ANKRD30A: variants seen among roughly 807,000 people sequenced by gnomAD.
The protein encoded by ANKRD30A is ankyrin repeat domain-containing protein 30A.
ANKRD30A carries 170 observed loss-of-function variants against 166.3 expected under a neutral mutation model. The observed-to-expected ratio is 1.02, with a 90% CI of 0.90 to 1.16. The LOEUF (loss-of-function observed/expected upper bound fraction) is 1.16. Among genes scored for constraint, ANKRD30A ranks in the 50% most tolerant of loss-of-function variants. The pLI is 0.00. For synonymous variants in ANKRD30A, 564 were observed against 508.9 expected, an observed-to-expected ratio of 1.11 and a Z score of -1.46; for missense variants, 1,630 against 1,518.0, an observed-to-expected ratio of 1.07 and a Z score of -1.23.
At chr10:37,129,802 G>A in intron 1 of ANKRD30A, 91 bp from the exon 2 acceptor site, 2 of 614,006 alleles carry the variant, frequency 3.3e-6, no homozygotes, top group Non-Finnish European at 4.9e-6. Context: ...CAGAGAAAGA[G>A]CGTGGTATTT....
At chr10:37,159,082 C>A (rs538266091) in intron 15 of ANKRD30A, among the ~76,000 whole-genome samples, 5 of 152,230 alleles carry the variant, frequency 3.3e-5, no homozygotes, top group South Asian at 4.1e-4. Flanking sequence ...TACTTGATGA[C>A]TCTTTGCTAG....
intron 31 of ANKRD30A, 33 bp downstream of exon 31, chr10:37,201,358 G>T: frequency 1.4e-6 from 2 of 1,467,982 alleles, no homozygotes; most frequent in South Asian, 1.2e-5. Context: ...AAGGTCATTT[G>T]ACCAAGTATT....
the ANKRD30A span, among the ~76,000 whole-genome samples, chr10:37,264,879 C>T: frequency 1.3e-5 from 2 of 152,190 alleles, no homozygotes; most frequent in Non-Finnish European, 2.9e-5. Flanking sequence ...CCTAAATCCC[C>T]TTACTTACCT....
the ANKRD30A span, among the ~76,000 whole-genome samples, chr10:37,259,286 A>T: frequency 6.6e-6 from 1 of 152,216 alleles, no homozygotes; most frequent in African/African-American, 2.4e-5. Context: ...AAATGTCTTC[A>T]TCAAAGGCAT....
At chr10:37,213,461 T>A (rs1472778786) in intron 31 of ANKRD30A, among the ~76,000 whole-genome samples, 1 of 151,732 alleles carries the variant, frequency 6.6e-6, no homozygotes, top group Non-Finnish European at 1.5e-5. Flanking sequence ...GATTTTAGCA[T>A]ACGAAAATTG....
intron 29 of ANKRD30A, among the ~76,000 whole-genome samples, chr10:37,197,925 A>G (rs1431657567): frequency 5.9e-5 from 9 of 151,978 alleles, no homozygotes; most frequent in Non-Finnish European, 1.0e-4. Flanking sequence ...TAAGAAAATC[A>G]GTAACTCGGA....
intron 13 of ANKRD30A, among the ~76,000 whole-genome samples, chr10:37,157,631 C>T: frequency 6.6e-6 from 1 of 152,130 alleles, no homozygotes; most frequent in Admixed American, 6.6e-5. Context: ...CCTCAGCCTT[C>T]CAAATTGCTG....
At chr10:37,202,800 G>C (rs2132698062) in intron 31 of ANKRD30A, among the ~76,000 whole-genome samples, 1 of 152,168 alleles carries the variant, frequency 6.6e-6, no homozygotes, top group East Asian at 1.9e-4. Flanking sequence ...AAATGATAAA[G>C]GGGATATCAC....
In ANKRD30A at chr10:37,217,712, A is replaced by AAGAAG. The variant is rs1001596811; in HGVS notation, c.3113_3117dup (p.Asn1040GlufsTer7). The AAGAAG allele has an allele frequency of 1.9e-6, 3 of 1,567,448 alleles. No homozygotes were observed. The highest frequency in any genetic ancestry group is 2.0e-5 in the Admixed American group (1 of 49,818). On this transcript the variant is annotated frameshift_variant, in exon 33 of 36. Transcript: ENST00000361713. LOFTEE classifies it high-confidence loss of function. ...AATGGCAGATTGACTTTAAACCAAG[A>AAGAAG]AGAAGAGAAGAGAAGAAATGCCGAT...
At chr10:37,249,339 T>G in the ANKRD30A span, among the ~76,000 whole-genome samples, 1 of 152,168 alleles carries the variant, frequency 6.6e-6, no homozygotes, top group Non-Finnish European at 1.5e-5. Flanking sequence ...ATGACCCATT[T>G]TCATTGGATT....
intron 25 of ANKRD30A, among the ~76,000 whole-genome samples, chr10:37,190,310 T>C (rs1293344174): frequency 6.6e-6 from 1 of 151,688 alleles, no homozygotes; most frequent in East Asian, 1.9e-4. Flanking sequence ...TTGCTCTGGG[T>C]TGCAAGAGGA....
intron 19 of ANKRD30A, 46 bp downstream of exon 19, chr10:37,166,741 C>G (rs774178532): frequency 6.2e-7 from 1 of 1,608,082 alleles, no homozygotes; most frequent in South Asian, 1.1e-5. Flanking sequence ...AAATATTTCT[C>G]TAAACTGATG....
chr10:37,149,347 A>G (rs1023261110), intron 9 of ANKRD30A, among the ~76,000 whole-genome samples: 3 of 152,076 alleles, frequency 2.0e-5, no homozygotes, highest in Non-Finnish European at 4.4e-5. Context: ...TTCATTAAGT[A>G]CGTGGTGTAG....
At position 37,219,493 on chromosome 10, in the gene ANKRD30A, A is replaced by G; in HGVS notation, c.3781A>G (p.Lys1261Glu). Residue 1261 changes from lysine to glutamate, a missense_variant, in exon 34 of 36, where the codon AAA (lysine) becomes GAA (glutamate). By Grantham distance (56) the Lys-to-Glu change is moderately conservative. Around this residue, in one of 4 missense-constraint regions of ANKRD30A, gnomAD observed 712 missense variants for 629.3 expected, o/e 1.13. Transcript: ENST00000361713. ...ACTTTCTGAAGCTCAAAGGAAATCC[A>G]AAAGCCTAAAAATTAATCTCAATTA... is the stretch of plus-strand genomic sequence containing the variant. ...QPLSEAQRKSKSLKINLNYAG... is the reference protein window; with the variant it reads ...QPLSEAQRKSESLKINLNYAG... 1 of 1,610,324 alleles carries G rather than the reference A, an allele frequency of 6.2e-7. No individual in the cohort carries two copies. Among genetic ancestry groups the G allele is most frequent in the African/African-American group, 1.3e-5 (1 of 74,774 alleles).
intron 6 of ANKRD30A, among the ~76,000 whole-genome samples, chr10:37,141,282 T>C (rs1260432613): frequency 6.6e-6 from 1 of 152,054 alleles, no homozygotes; most frequent in Non-Finnish European, 1.5e-5. Flanking sequence ...TTTAAAAAGT[T>C]TGGTAGTGTC....
intron 24 of ANKRD30A, among the ~76,000 whole-genome samples, chr10:37,179,379 A>T (rs1191026090): frequency 6.6e-6 from 1 of 151,048 alleles, no homozygotes; most frequent in Non-Finnish European, 1.5e-5. Flanking sequence ...TTGAAAGCTT[A>T]TTAAATTTGC....
rs556861831 is a variant in ANKRD30A at position 37,159,758 on chromosome 10, C to T, written c.1900+1172C>T. Among the ~76,000 whole-genome samples the T allele has an allele frequency of 7.2e-5, 11 of 152,106 alleles. No individual in the cohort carries two copies. In the East Asian group the frequency reaches 1.4e-3, roughly 19 times the overall value. ...TCACCCAGGCTGGAGTGCCATGGCG[C>T]GATCTCGGCTCACGCAAGCTCTGCC... On this transcript the variant is annotated intron_variant, in intron 15 of 35. Coordinates refer to ENST00000361713, the MANE Select transcript of ANKRD30A (RefSeq NM_052997.3).
Position 37,160,081 on chromosome 10 carries a change from T to G in ANKRD30A, c.1900+1495T>G, listed in dbSNP as rs535767770. ...TTGTTTGCTTATCGAATATTTTAGA[T>G]GGACCCAATACAATTAGCTCTGCTT... On this transcript the variant is annotated intron_variant, in intron 15 of 35. Coordinates refer to ENST00000361713, the MANE Select transcript of ANKRD30A (RefSeq NM_052997.3). Among the ~76,000 whole-genome samples, 5 of 152,346 alleles carry G rather than the reference T, an allele frequency of 3.3e-5. No homozygotes were observed. The East Asian group carries it at 9.6e-4, about 29-fold the overall frequency.
chr10:37,159,644 TTTG>T (rs1838685726), intron 15 of ANKRD30A, among the ~76,000 whole-genome samples: 1 of 152,136 alleles, frequency 6.6e-6, no homozygotes, highest in Non-Finnish European at 1.5e-5. Context: ...ATATGTAGAA[TTTG>T]TTTTCATGTC....
Sources: allele counts gnomAD v4.1 joint callset (sites outside exome capture counted in the v4.1 genomes callset), GRCh38; gene constraint gnomAD v4.1.1; regional missense constraint gnomAD v4.1.1; transcripts MANE v1.5; gene names NCBI Gene and HGNC (gene_info 2026-07-23, HGNC 2026-07-21).